NRXN3: variants seen among roughly 807,000 people sequenced by gnomAD.
NRXN3 encodes the protein neurexin 3, also known as neurexin III.
Under a neutral mutation model 137.6 loss-of-function variants are expected in NRXN3, and 32 were observed. That is an observed-to-expected ratio of 0.23 (90% CI 0.18 to 0.31). The LOEUF is 0.31. Ranked by LOEUF, NRXN3 falls within the 10% of genes least tolerant of loss-of-function variation. The probability of loss-of-function intolerance (pLI) is 1.00; values close to 1 mark genes in which losing one functional copy is unlikely to be tolerated. For missense variants in NRXN3, 1,574 were observed against 2,062.5 expected (o/e 0.76, Z 4.59); for synonymous variants, 798 against 784.5 (o/e 1.02, Z -0.29).
chr14:78,772,919 T>A (rs2098733022), intron 8 of NRXN3, among the ~76,000 whole-genome samples: 1 of 152,248 alleles, frequency 6.6e-6, no homozygotes, highest in Non-Finnish European at 1.5e-5. Context: ...GAGGAAGTTC[T>A]TTTCCCTGTA....
intron 8 of NRXN3, among the ~76,000 whole-genome samples, chr14:78,728,965 G>T (rs2098501032): frequency 6.6e-6 from 1 of 152,160 alleles, no homozygotes; most frequent in South Asian, 2.1e-4. Context: ...TCACTATTAT[G>T]TGATCTTGGA....
chr14:78,844,687 C>T (rs2099021671), intron 10 of NRXN3, among the ~76,000 whole-genome samples: 1 of 152,040 alleles, frequency 6.6e-6, no homozygotes. Context: ...TTTTAAACTA[C>T]TTTAAAGACT....
intron 16 of NRXN3, among the ~76,000 whole-genome samples, chr14:79,473,640 A>G (rs1042642671): frequency 6.6e-6 from 1 of 152,186 alleles, no homozygotes; most frequent in African/African-American, 2.4e-5. Flanking sequence ...AACGCAAATA[A>G]AAAAGGAACG....
intron 4 of NRXN3, among the ~76,000 whole-genome samples, chr14:78,449,404 G>A (rs1471359877): frequency 6.6e-6 from 1 of 152,136 alleles, no homozygotes; most frequent in East Asian, 1.9e-4. Context: ...AGTAGAGATG[G>A]GGTTTCACCA....
chr14:79,860,900 C>T, intron 20 of NRXN3: 1 of 543,026 alleles, frequency 1.8e-6, no homozygotes, highest in Non-Finnish European at 2.9e-6. Flanking sequence ...CCAAATCTGC[C>T]TAGAATGATT....
chr14:78,937,868 G>A (rs1433994104), intron 10 of NRXN3, among the ~76,000 whole-genome samples: 3 of 152,208 alleles, frequency 2.0e-5, no homozygotes, highest in African/African-American at 7.2e-5. Context: ...AAATCCAAGT[G>A]ACCCAATGCT....
chr14:79,532,429 C>T (rs747366881), intron 16 of NRXN3, among the ~76,000 whole-genome samples: 2 of 152,078 alleles, frequency 1.3e-5, no homozygotes, highest in Non-Finnish European at 2.9e-5. Context: ...ATAGTTGGAC[C>T]TTCACAAAGG....
intron 10 of NRXN3, among the ~76,000 whole-genome samples, chr14:78,953,845 T>G (rs1172629708): frequency 6.6e-6 from 1 of 152,204 alleles, no homozygotes; most frequent in African/African-American, 2.4e-5. Context: ...CAGTTGCAGA[T>G]CATAACTTTC....
chr14:78,406,875 C>T (rs1354869310), intron 4 of NRXN3, among the ~76,000 whole-genome samples: 2 of 152,014 alleles, frequency 1.3e-5, no homozygotes, highest in Admixed American at 6.6e-5. Context: ...GAAATGATCC[C>T]AAGATTCCCT....
intron 6 of NRXN3, among the ~76,000 whole-genome samples, chr14:78,652,452 C>A (rs1327125511): frequency 6.6e-6 from 1 of 152,184 alleles, no homozygotes; most frequent in Admixed American, 6.5e-5. Flanking sequence ...AACACTGTGG[C>A]ATCAAAGCAG....
chr14:79,653,852 C>A (rs2098490075), intron 16 of NRXN3, among the ~76,000 whole-genome samples: 1 of 152,164 alleles, frequency 6.6e-6, no homozygotes, highest in Non-Finnish European at 1.5e-5. Flanking sequence ...ACAGCAGAAG[C>A]TGGGGAATCA....
At chr14:79,663,238 G>A (rs1300390749) in intron 16 of NRXN3, among the ~76,000 whole-genome samples, 1 of 148,576 alleles carries the variant, frequency 6.7e-6, no homozygotes, top group Non-Finnish European at 1.5e-5. Flanking sequence ...GCATGTGTGT[G>A]TGTGTACGCG....
intron 15 of NRXN3, among the ~76,000 whole-genome samples, chr14:79,363,432 C>G (rs2093759266): frequency 6.6e-6 from 1 of 152,142 alleles, no homozygotes; most frequent in Admixed American, 6.5e-5. Context: ...CATCCTTCTT[C>G]CAGCTCATAG....
At chr14:79,702,360 A>G (rs1030358394) in intron 19 of NRXN3, among the ~76,000 whole-genome samples, 1 of 152,056 alleles carries the variant, frequency 6.6e-6, no homozygotes, top group Non-Finnish European at 1.5e-5. Context: ...TGAGCTATCC[A>G]TATGAAGTAG....
At chr14:78,278,187 G>T (rs1300030421) in intron 2 of NRXN3, among the ~76,000 whole-genome samples, 1 of 152,128 alleles carries the variant, frequency 6.6e-6, no homozygotes, top group East Asian at 1.9e-4. Flanking sequence ...CAAGGGAGTG[G>T]TTCATTTTTA....
intron 4 of NRXN3, among the ~76,000 whole-genome samples, chr14:78,336,601 G>T (rs1265663320): frequency 2.0e-5 from 3 of 152,106 alleles, no homozygotes; most frequent in Non-Finnish European, 2.9e-5. Flanking sequence ...TACTCCACAG[G>T]TCTTAAGTGG....
At chr14:78,843,438 T>C (rs1358361636) in intron 10 of NRXN3, among the ~76,000 whole-genome samples, 1 of 152,078 alleles carries the variant, frequency 6.6e-6, no homozygotes, top group Non-Finnish European at 1.5e-5. Flanking sequence ...CATTTGTTGA[T>C]TTGTTCTTTT....
chr14:79,514,039 A>T lies in NRXN3; in HGVS notation c.3444+46637A>T, dbSNP rs984284627. On this transcript the variant is annotated intron_variant, in intron 16 of 20. Coordinates refer to ENST00000335750, the MANE Select transcript of NRXN3 (RefSeq NM_001330195.2). ...GAAATATAGAAAATTAATATACTAC[A>T]TCATGCAACCTGCTTCTAAACAAGT... Among the ~76,000 whole-genome samples the T allele has an allele frequency of 5.3e-5, 8 of 152,330 alleles. No homozygotes were observed. In the South Asian group the frequency reaches 1.7e-3, roughly 32 times the overall value.
At chr14:78,321,270 G>A (rs987642472) in intron 4 of NRXN3, among the ~76,000 whole-genome samples, 1 of 151,948 alleles carries the variant, frequency 6.6e-6, no homozygotes, top group African/African-American at 2.4e-5. Flanking sequence ...CTGCCCCAAG[G>A]CAGCATATCT....
Sources: allele counts gnomAD v4.1 joint callset (sites outside exome capture counted in the v4.1 genomes callset), GRCh38; gene constraint gnomAD v4.1.1; transcripts MANE v1.5; gene names NCBI Gene and HGNC (gene_info 2026-07-23, HGNC 2026-07-21).